The following CARHSP1 variants were observed in gnomAD, a reference collection of about 807,000 sequenced individuals.
CARHSP1 encodes the protein calcium-regulated heat-stable protein 1.
A neutral mutation model predicts 12.5 loss-of-function variants in CARHSP1; 14 were observed. The observed-to-expected ratio is 1.12, with a 90% CI of 0.74 to 1.75. CARHSP1 has a LOEUF of 1.75. Ranked by LOEUF, CARHSP1 falls within the 40% of genes most tolerant of loss-of-function variation. The probability of loss-of-function intolerance (pLI) is 0.00; values close to 1 mark genes in which losing one functional copy is unlikely to be tolerated. For synonymous variants in CARHSP1, 161 were observed against 82.0 expected (o/e 1.96, Z -5.20); for missense variants, 343 against 201.6 (o/e 1.70, Z -4.25).
intron 3 of CARHSP1, chr16:8,858,120 C>T (rs1003367668): frequency 4.9e-5 from 28 of 566,382 alleles, no homozygotes; most frequent in Middle Eastern, 4.8e-4. Context: ...TCACAAGTAC[C>T]GTGTCGCCCC....
intron 1 of CARHSP1, among the ~76,000 whole-genome samples, chr16:8,864,159 ATGTG>A (rs1278382008): frequency 1.3e-5 from 2 of 152,164 alleles, no homozygotes; most frequent in Non-Finnish European, 2.9e-5. Flanking sequence ...GTGTATGCAC[ATGTG>A]TATGTGTGTG....
At chr16:8,859,131 A>T in intron 2 of CARHSP1, 40 bp downstream of exon 2, 2 of 1,536,194 alleles carry the variant, frequency 1.3e-6, no homozygotes, top group Non-Finnish European at 1.8e-6. Flanking sequence ...CAGGCAAGAG[A>T]TCCATCTGAG....
At chr16:8,858,195 A>T in intron 3 of CARHSP1, 155 bp downstream of exon 3, 1 of 865,020 alleles carries the variant, frequency 1.2e-6, no homozygotes, top group Non-Finnish European at 1.7e-6. Context: ...CACACACAGG[A>T]GCACAGCTGG....
In CARHSP1 at chr16:8,855,025, T is replaced by G. The variant is rs1319764479; in HGVS notation, c.*139A>C. The G allele has an allele frequency of 2.9e-5, 9 of 310,848 alleles. No homozygotes were observed. Among genetic ancestry groups the G allele is most frequent in the East Asian group, 9.1e-5 (1 of 10,938 alleles). The allele number at this position is 310,848 out of a possible 1,614,324, so 19.3% of individuals were successfully genotyped here. ...ACCCCACACCTGCCCCCCATACCCC[T>G]TCCTCCAGGAGATACTTGAGAGGGA... is the stretch of plus-strand genomic sequence containing the variant. On this transcript the variant is annotated 3_prime_UTR_variant, in exon 4 of 4. Coordinates refer to ENST00000311052, the MANE Select transcript of CARHSP1 (RefSeq NM_014316.4).
chr16:8,863,070 G>C (rs1031687388), intron 1 of CARHSP1, among the ~76,000 whole-genome samples: 1 of 148,742 alleles, frequency 6.7e-6, no homozygotes, highest in Non-Finnish European at 1.5e-5. Context: ...CACTGGCACA[G>C]AGCAGGGTCT....
At chr16:8,860,445 C>G in intron 1 of CARHSP1, 1 of 985,418 alleles carries the variant, frequency 1.0e-6, no homozygotes. Context: ...ACAATAATCA[C>G]TGAACATTGA....
At chr16:8,861,197 T>A (rs2061343323) in intron 1 of CARHSP1, among the ~76,000 whole-genome samples, 1 of 55,564 alleles carries the variant, frequency 1.8e-5, no homozygotes, top group Non-Finnish European at 3.4e-5. Flanking sequence ...TTTTTTTTTT[T>A]TTATAGAGAC....
At chr16:8,857,314 C>CTTTTTTTTTTTT (rs1850968180) in intron 3 of CARHSP1, 2 of 91,614 alleles carry the variant, frequency 2.2e-5, no homozygotes, top group African/African-American at 4.1e-5. Context: ...TGGAGTTTTG[C>CTTTTTTTTTTTT]TCTTGTTGCC....
chr16:8,859,270 AGCCC>A lies in CARHSP1; in HGVS notation c.55_58del (p.Gly19CysfsTer207). ...CTCACGGCTCCGAGGGGTGTCCAGC[AGCCC>A]GACTGAAGCTTGATGGGTGGGGGGC... is the stretch of plus-strand genomic sequence containing the variant. On this transcript the variant is annotated frameshift_variant, in exon 2 of 4. Coordinates refer to ENST00000311052, the MANE Select transcript of CARHSP1 (RefSeq NM_014316.4). LOFTEE classifies it high-confidence loss of function. 1 of 1,602,448 alleles carries A rather than the reference AGCCC, an allele frequency of 6.2e-7. No individual in the cohort carries two copies. Among genetic ancestry groups the A allele is most frequent in the Non-Finnish European group, 8.5e-7 (1 of 1,177,258 alleles).
At chr16:8,865,271 A>G (rs2061435976) in intron 1 of CARHSP1, among the ~76,000 whole-genome samples, 1 of 151,886 alleles carries the variant, frequency 6.6e-6, no homozygotes, top group East Asian at 1.9e-4. Context: ...CACCACACCC[A>G]GCCAATTGTT....
Position 8,858,380 on chromosome 16 carries a change from C to T in CARHSP1, c.251G>A (p.Gly84Asp). The change falls in exon 3 of 4, where the codon GGC becomes GAC. Residue 84 changes from glycine to aspartate, a missense_variant. Transcript: ENST00000311052. ...GATGTGCAGGAAGATGTCGGGGCCG[C>T]CATCAGCTGGAGTAATGAAGCCATG... Reference protein sequence around the residue: ...KGHGFITPADGGPDIFLHISD... With the variant: ...KGHGFITPADDGPDIFLHISD... 6.2e-7 allele frequency: 1 copy of T among 1,614,036 alleles called. No individual in the cohort carries two copies.
Position 8,861,989 on chromosome 16 carries a change from C to CTTTTTTTTTTTTT in CARHSP1, c.-7-2667_-7-2655dup, listed in dbSNP as rs537614451. Among the ~76,000 whole-genome samples the CTTTTTTTTTTTTT allele has an allele frequency of 6.2e-3, 496 of 79,718 alleles. 49 individuals are homozygous for CTTTTTTTTTTTTT. The highest frequency in any genetic ancestry group is 8.9e-3 in the Non-Finnish European group (347 of 38,796). The allele number at this position is 79,718 out of a possible 152,430, so 52.3% of individuals were successfully genotyped here. On this transcript the variant is annotated intron_variant, in intron 1 of 3. Transcript: ENST00000311052. ...TTCTCCTGGAGTCAAGCATAGCTGA[C>CTTTTTTTTTTTTT]TTTTTTTTTTTTTTTTTTTTTTTTT...
chr16:8,856,282 C>G lies in CARHSP1; in HGVS notation c.282-956G>C, dbSNP rs533286008. Among the ~76,000 whole-genome samples the G allele has an allele frequency of 2.2e-4, 33 of 152,214 alleles. 1 individual carries two copies. In the East Asian group the frequency reaches 6.4e-3, roughly 29 times the overall value. On this transcript the variant is annotated intron_variant, in intron 3 of 3. Transcript: ENST00000311052. ...TGATGAAACCCCCCCAGAGGAAAAC[C>G]CCCTTCAGATGCTAAATGCAAGGGC...
At position 8,854,334 on chromosome 16, in the gene CARHSP1, C is replaced by T. The variant is rs2061028830; in HGVS notation, c.*830G>A. 1.3e-5 allele frequency: 2 copies of T among 152,186 alleles called. No individual in the cohort carries two copies. The highest frequency in any genetic ancestry group is 2.9e-5 in the Non-Finnish European group (2 of 68,044). 9.4% of individuals were successfully genotyped at this position (152,186 alleles called of 1,614,324 possible). ...CAAAGTTTTTAAACAAAGACTGTGTCCTCTCCACAAGCCCTTCCCACCACC... is the reference window on the plus strand; with the variant it reads ...CAAAGTTTTTAAACAAAGACTGTGTTCTCTCCACAAGCCCTTCCCACCACC... On this transcript the variant is annotated 3_prime_UTR_variant, in exon 4 of 4. Transcript: ENST00000311052.
intron 3 of CARHSP1, among the ~76,000 whole-genome samples, chr16:8,856,602 G>A (rs1040231800): frequency 8.1e-5 from 12 of 147,658 alleles, no homozygotes; most frequent in Admixed American, 3.4e-4. Flanking sequence ...CCTGCCTGCC[G>A]ATCTGATAGG....
intron 1 of CARHSP1, chr16:8,860,373 G>A (rs1016917258): frequency 1.9e-5 from 19 of 985,322 alleles, no homozygotes; most frequent in East Asian, 2.3e-4. Flanking sequence ...GCTGGAGGGC[G>A]GGAATTCCCT....
At chr16:8,863,989 T>C (rs981052257) in intron 1 of CARHSP1, among the ~76,000 whole-genome samples, 2 of 152,106 alleles carry the variant, frequency 1.3e-5, no homozygotes, top group African/African-American at 4.8e-5. Flanking sequence ...GTGACTAGCC[T>C]TCAGCTCCCC....
chr16:8,858,320 C>T, intron 3 of CARHSP1, 30 bp downstream of exon 3: 1 of 1,608,606 alleles, frequency 6.2e-7, no homozygotes, highest in Non-Finnish European at 8.5e-7. Flanking sequence ...CCCACCCCAG[C>T]CAGGCCACCC....
intron 3 of CARHSP1, 165 bp downstream of exon 3, chr16:8,858,181 AACAC>A (rs111525602): frequency 2.4e-5 from 19 of 779,870 alleles, no homozygotes; most frequent in African/African-American, 1.1e-4. Flanking sequence ...ACCCCAACCC[AACAC>A]ACACACAGGA....
Sources: gnomAD v4.1 joint callset for allele counts (sites outside exome capture counted in the v4.1 genomes callset) on GRCh38, gnomAD v4.1.1 for gene constraint, MANE v1.5 for transcripts, NCBI Gene and HGNC (gene_info 2026-07-23, HGNC 2026-07-21) for gene names.